Variants in PLD5 observed in about 807,000 individuals in gnomAD.
PLD5 encodes inactive phospholipase D5.
In PLD5, 36 loss-of-function variants were observed where a neutral mutation model predicts 61.1. The ratio of observed to expected loss-of-function variants is 0.59; its 90% confidence interval spans 0.45 to 0.78. The LOEUF (loss-of-function observed/expected upper bound fraction) is 0.78. Ranked by LOEUF, PLD5 falls within the 30% of genes least tolerant of loss-of-function variation. PLD5 has a pLI of 0.00. For missense variants in PLD5, 515 were observed against 644.4 expected (o/e 0.80, Z 2.17); for synonymous variants, 243 against 242.8 (o/e 1.00, Z -0.01).
chr1:242,114,953 G>A (rs764325599), intron 6 of PLD5, among the ~76,000 whole-genome samples: 1 of 152,102 alleles, frequency 6.6e-6, no homozygotes, highest in Non-Finnish European at 1.5e-5. Flanking sequence ...GAGGTGGCCG[G>A]ATCACCTGAG....
chr1:242,307,864 A>G (rs1029558595), intron 2 of PLD5, among the ~76,000 whole-genome samples: 1 of 152,168 alleles, frequency 6.6e-6, no homozygotes, highest in African/African-American at 2.4e-5. Flanking sequence ...AAGTCACCAA[A>G]TCTAGCTTCA....
chr1:242,198,377 C>G (rs1308160536), intron 5 of PLD5, among the ~76,000 whole-genome samples: 2 of 152,136 alleles, frequency 1.3e-5, no homozygotes, highest in Non-Finnish European at 2.9e-5. Flanking sequence ...TCCTGAAACT[C>G]TTGCAGAACC....
intron 6 of PLD5, among the ~76,000 whole-genome samples, chr1:242,123,062 T>A (rs976731684): frequency 6.6e-6 from 1 of 152,184 alleles, no homozygotes; most frequent in African/African-American, 2.4e-5. Flanking sequence ...GTGGATAAGA[T>A]CCTGGGTGGG....
intron 1 of PLD5, among the ~76,000 whole-genome samples, chr1:242,492,317 G>T (rs529478426): frequency 6.6e-6 from 1 of 151,836 alleles, no homozygotes; most frequent in African/African-American, 2.4e-5. Context: ...TTCGAGACCT[G>T]CCTGGCCAAC....
intron 1 of PLD5, among the ~76,000 whole-genome samples, chr1:242,434,278 G>T (rs1048123927): frequency 6.6e-6 from 1 of 152,222 alleles, no homozygotes; most frequent in Non-Finnish European, 1.5e-5. Context: ...CTGATGGACT[G>T]CATGTCAGGA....
At chr1:242,218,692 C>T (rs1670373343) in intron 5 of PLD5, among the ~76,000 whole-genome samples, 1 of 152,104 alleles carries the variant, frequency 6.6e-6, no homozygotes, top group Non-Finnish European at 1.5e-5. Flanking sequence ...ATAATTTTTT[C>T]CTAAATGTAT....
chr1:242,428,169 C>T (rs1237332328), intron 1 of PLD5, among the ~76,000 whole-genome samples: 4 of 152,146 alleles, frequency 2.6e-5, no homozygotes, highest in Non-Finnish European at 4.4e-5. Flanking sequence ...AAACCTCCTC[C>T]AAGAAACAAC....
intron 1 of PLD5, among the ~76,000 whole-genome samples, chr1:242,383,207 T>A (rs529350379): frequency 6.6e-5 from 10 of 152,222 alleles, no homozygotes; most frequent in African/African-American, 2.4e-4. Context: ...TTAAAATTTA[T>A]TTTTGCTTTT....
intron 2 of PLD5, among the ~76,000 whole-genome samples, chr1:242,306,363 T>C (rs1676348067): frequency 6.6e-6 from 1 of 151,600 alleles, no homozygotes; most frequent in African/African-American, 2.4e-5. Flanking sequence ...ATGGGTCATA[T>C]GGTTACTGTG....
intron 1 of PLD5, among the ~76,000 whole-genome samples, chr1:242,416,485 T>C (rs541253715): frequency 2.8e-4 from 42 of 152,264 alleles, no homozygotes; most frequent in Non-Finnish European, 5.0e-4. Flanking sequence ...AGAAGAAGCC[T>C]AGGATCTCTT....
At chr1:242,470,369 AG>A (rs1335953904) in intron 1 of PLD5, among the ~76,000 whole-genome samples, 24 of 75,424 alleles carry the variant, frequency 3.2e-4, no homozygotes, top group African/African-American at 1.2e-3. Flanking sequence ...AAAGAAAGAA[AG>A]AAAGAAAGAA....
chr1:242,429,271 A>G (rs1665591522), intron 1 of PLD5, among the ~76,000 whole-genome samples: 1 of 152,236 alleles, frequency 6.6e-6, no homozygotes, highest in Non-Finnish European at 1.5e-5. Context: ...AGTTTGGCAA[A>G]ACACTTGTGC....
chr1:242,480,049 C>CA lies in PLD5; in HGVS notation c.189+44038dup, dbSNP rs1224139428. On this transcript the variant is annotated intron_variant, in intron 1 of 9. Transcript: ENST00000536534. ...CTGGTAACAGAGCAAGACTCTGTCT[C>CA]AGAAAAAAAAAAAACAAAAAAAAAG... Among the ~76,000 whole-genome samples the CA allele has an allele frequency of 2.6e-3, 326 of 125,368 alleles. 4 individuals are homozygous for CA. Among genetic ancestry groups the CA allele is most frequent in the African/African-American group, 8.6e-3 (314 of 36,444 alleles). The allele number at this position is 125,368 out of a possible 152,430, so 82.2% of individuals were successfully genotyped here. A position where few individuals can be genotyped will look rare whatever the true frequency, so the allele number is the denominator to read the frequency against.
intron 4 of PLD5, among the ~76,000 whole-genome samples, chr1:242,245,662 G>C: frequency 6.6e-6 from 1 of 152,182 alleles, no homozygotes; most frequent in Admixed American, 6.5e-5. Context: ...ACATTCATAA[G>C]TTGGCATTTT....
intron 6 of PLD5, among the ~76,000 whole-genome samples, chr1:242,117,702 A>G (rs1429701282): frequency 1.3e-5 from 2 of 152,112 alleles, no homozygotes; most frequent in African/African-American, 2.4e-5. Context: ...TAAATCTCCA[A>G]TCAAAGGTTG....
At chr1:242,386,832 A>G (rs1662629478) in intron 1 of PLD5, among the ~76,000 whole-genome samples, 1 of 152,228 alleles carries the variant, frequency 6.6e-6, no homozygotes, top group Admixed American at 6.5e-5. Context: ...ATGTACAGGT[A>G]TTATACAATG....
intron 5 of PLD5, among the ~76,000 whole-genome samples, chr1:242,204,264 G>A (rs1669182379): frequency 6.6e-6 from 1 of 151,674 alleles, no homozygotes; most frequent in Admixed American, 6.6e-5. Context: ...AAAAATTTTA[G>A]GCACTATCTT....
chr1:242,276,639 C>T (rs866617919), intron 3 of PLD5, among the ~76,000 whole-genome samples: 5 of 151,246 alleles, frequency 3.3e-5, no homozygotes, highest in South Asian at 2.1e-4. Flanking sequence ...CAGAAGATAG[C>T]GGCCGCTTCA....
chr1:242,260,830 A>C (rs1673337400), intron 4 of PLD5, among the ~76,000 whole-genome samples: 1 of 152,260 alleles, frequency 6.6e-6, no homozygotes, highest in African/African-American at 2.4e-5. Context: ...AGTAGAAATC[A>C]GAAAACTTTC....
Sources: allele counts gnomAD v4.1 joint callset (sites outside exome capture counted in the v4.1 genomes callset), GRCh38; gene constraint gnomAD v4.1.1; transcripts MANE v1.5; gene names NCBI Gene and HGNC (gene_info 2026-07-23, HGNC 2026-07-21).